The following KCTD16 variants were observed in gnomAD, a reference collection of about 807,000 sequenced individuals.
KCTD16 encodes potassium channel tetramerization domain containing 16.
In KCTD16, 13 loss-of-function variants were observed where a neutral mutation model predicts 33.2. The ratio of observed to expected loss-of-function variants is 0.39; its 90% CI spans 0.25 to 0.62. The LOEUF (loss-of-function observed/expected upper bound fraction) is 0.62. Ranked by LOEUF, KCTD16 falls within the 20% of genes least tolerant of loss-of-function variation. The pLI is 0.50. For synonymous variants in KCTD16, 197 were observed against 195.3 expected, an observed-to-expected ratio of 1.01 and a Z score of -0.07; for missense variants, 441 against 525.1, an observed-to-expected ratio of 0.84 and a Z score of 1.57.
chr5:144,209,243 A>C (rs1475552543), intron 3 of KCTD16, among the ~76,000 whole-genome samples: 1 of 152,204 alleles, frequency 6.6e-6, no homozygotes, highest in African/African-American at 2.4e-5. Flanking sequence ...GCTTACATAA[A>C]TGAGACCCAC....
At chr5:144,435,436 T>G (rs1753554391) in intron 3 of KCTD16, among the ~76,000 whole-genome samples, 1 of 152,220 alleles carries the variant, frequency 6.6e-6, no homozygotes, top group African/African-American at 2.4e-5. Context: ...TCACTTCATG[T>G]TTTTAAATAT....
chr5:144,276,147 A>G (rs894912412), intron 3 of KCTD16, among the ~76,000 whole-genome samples: 2 of 152,174 alleles, frequency 1.3e-5, no homozygotes, highest in African/African-American at 2.4e-5. Context: ...CCCAAAGTAA[A>G]TCCCTGTTAT....
At chr5:144,307,020 G>T (rs1259034048) in intron 3 of KCTD16, among the ~76,000 whole-genome samples, 3 of 152,148 alleles carry the variant, frequency 2.0e-5, no homozygotes, top group African/African-American at 7.2e-5. Flanking sequence ...TGAGGCCCTA[G>T]TTTTTTTGTT....
At chr5:144,255,607 G>A (rs1006330749) in intron 3 of KCTD16, among the ~76,000 whole-genome samples, 1 of 152,054 alleles carries the variant, frequency 6.6e-6, no homozygotes, top group Non-Finnish European at 1.5e-5. Context: ...TTGGCCATTT[G>A]CATATCTTCT....
intron 3 of KCTD16, among the ~76,000 whole-genome samples, chr5:144,449,349 A>T (rs1240586095): frequency 6.6e-6 from 1 of 151,988 alleles, no homozygotes; most frequent in Non-Finnish European, 1.5e-5. Flanking sequence ...CAGATTCAAT[A>T]CTATACCCAT....
chr5:144,418,163 C>G (rs1231984989), intron 3 of KCTD16, among the ~76,000 whole-genome samples: 1 of 152,136 alleles, frequency 6.6e-6, no homozygotes, highest in East Asian at 1.9e-4. Flanking sequence ...TGAAGACCTT[C>G]TTGGCAAGTG....
rs191342043 is a variant in KCTD16, at chr5:144,458,322, C to T, written c.833-15338C>T. On this transcript the variant is annotated intron_variant, in intron 3 of 3. Coordinates refer to ENST00000512467, the MANE Select transcript of KCTD16 (RefSeq NM_020768.4). ...CGATTTATAGTGAGATCCATCTGAC[C>T]TCGCAACTGGGTACTCAATTCTACC... Among the ~76,000 whole-genome samples the T allele has an allele frequency of 3.9e-5, 6 of 152,186 alleles. No individual in the cohort carries two copies. In the East Asian group the frequency reaches 9.7e-4, roughly 25 times the overall value.
intron 3 of KCTD16, among the ~76,000 whole-genome samples, chr5:144,333,725 G>A (rs903603834): frequency 1.3e-5 from 2 of 152,178 alleles, no homozygotes; most frequent in African/African-American, 2.4e-5. Context: ...AGGCAGAGGA[G>A]CAAGAGTGAA....
intron 3 of KCTD16, among the ~76,000 whole-genome samples, chr5:144,347,201 T>TTA (rs1752825750): frequency 6.6e-6 from 1 of 152,174 alleles, no homozygotes; most frequent in Admixed American, 6.5e-5. Context: ...TGGATAGAAT[T>TTA]ATTCGACTTC....
chr5:144,384,680 G>A (rs898273223), intron 3 of KCTD16, among the ~76,000 whole-genome samples: 5 of 151,880 alleles, frequency 3.3e-5, no homozygotes, highest in African/African-American at 4.8e-5. Flanking sequence ...CTATTGTTCC[G>A]TATTCATCAT....
At chr5:144,278,785 C>T in intron 3 of KCTD16, among the ~76,000 whole-genome samples, 1 of 152,164 alleles carries the variant, frequency 6.6e-6, no homozygotes, top group Non-Finnish European at 1.5e-5. Flanking sequence ...GCGTGAGCCA[C>T]CGTGCCTGGC....
intron 3 of KCTD16, among the ~76,000 whole-genome samples, chr5:144,392,930 T>G (rs774943310): frequency 1.3e-5 from 2 of 152,176 alleles, no homozygotes; most frequent in Non-Finnish European, 2.9e-5. Context: ...ACACCTTTGT[T>G]GTGTGCTGAC....
At chr5:144,403,044 C>T (rs952978761) in intron 3 of KCTD16, among the ~76,000 whole-genome samples, 2 of 152,204 alleles carry the variant, frequency 1.3e-5, no homozygotes, top group African/African-American at 4.8e-5. Flanking sequence ...TACTTTCTGC[C>T]TTTGTGGCTG....
At position 144,207,344 on chromosome 5, in the gene KCTD16, T is replaced by G; in HGVS notation, c.630T>G (p.Asn210Lys). 1 of 1,614,186 alleles carries G rather than the reference T, an allele frequency of 6.2e-7. No homozygotes were observed. Among genetic ancestry groups the G allele is most frequent in the Non-Finnish European group, 8.5e-7 (1 of 1,180,042 alleles). The change falls in exon 3 of 4, where the codon AAT (asparagine) becomes AAG (lysine). Residue 210 changes from asparagine (N) to lysine (K), a missense_variant. By Grantham distance (94) the Asn-to-Lys change is moderately conservative. Transcript: ENST00000512467. Reference sequence around the variant, plus strand: ...AAGAAGTCTTTGGAGAAACTTTGAATGAAAGCAGAGACCCTGATCGAGCCC... The same window carrying G: ...AAGAAGTCTTTGGAGAAACTTTGAAGGAAAGCAGAGACCCTGATCGAGCCC... ...LAKEVFGETLNESRDPDRAPE... is the reference protein window; with the variant it reads ...LAKEVFGETLKESRDPDRAPE...
At chr5:144,193,540 T>TAGCTC (rs879770047) in intron 2 of KCTD16, among the ~76,000 whole-genome samples, 1 of 151,926 alleles carries the variant, frequency 6.6e-6, no homozygotes, top group Non-Finnish European at 1.5e-5. Flanking sequence ...AAATATTACC[T>TAGCTC]ATTCTATTTT....
chr5:144,226,662 T>TC (rs1753940313), intron 3 of KCTD16, among the ~76,000 whole-genome samples: 1 of 151,910 alleles, frequency 6.6e-6, no homozygotes, highest in Admixed American at 6.6e-5. Context: ...GACCTCTGCC[T>TC]CCCAGCTTCA....
chr5:144,183,165 C>G (rs892803476), intron 2 of KCTD16, among the ~76,000 whole-genome samples: 2 of 152,042 alleles, frequency 1.3e-5, no homozygotes, highest in African/African-American at 4.8e-5. Context: ...ATTGAATCTA[C>G]TTATTGGTGT....
At chr5:144,421,521 A>T (rs1164604371) in intron 3 of KCTD16, among the ~76,000 whole-genome samples, 1 of 152,244 alleles carries the variant, frequency 6.6e-6, no homozygotes, top group Middle Eastern at 3.4e-3. Context: ...TCAGTACTCC[A>T]TCTGGTTCCT....
chr5:144,414,560 T>A (rs1370403779), intron 3 of KCTD16, among the ~76,000 whole-genome samples: 2 of 152,228 alleles, frequency 1.3e-5, no homozygotes, highest in Non-Finnish European at 2.9e-5. Flanking sequence ...CATAGGCACT[T>A]ACTGCATGAT....
Sources: gnomAD v4.1 joint callset for allele counts (sites outside exome capture counted in the v4.1 genomes callset) on GRCh38, gnomAD v4.1.1 for gene constraint, MANE v1.5 for transcripts, NCBI Gene and HGNC (gene_info 2026-07-23, HGNC 2026-07-21) for gene names.